The following SWT1 variants were observed in gnomAD, a reference collection of about 807,000 sequenced individuals.
The protein encoded by SWT1 is SWT1 RNA endoribonuclease homolog.
In SWT1, 33 loss-of-function variants were observed where a neutral mutation model predicts 107.3. That is an observed-to-expected ratio of 0.31 (90% confidence interval 0.23 to 0.41). The LOEUF is 0.41. Ranked by LOEUF, SWT1 falls within the 10% of genes least tolerant of loss-of-function variation. The pLI, the probability that SWT1 is intolerant of heterozygous loss-of-function variation, is 1.00. For synonymous variants in SWT1, 345 were observed against 348.3 expected (o/e 0.99, Z 0.11); for missense variants, 898 against 1,028.9 (o/e 0.87, Z 1.74).
chr1:185,191,266 C>T (rs1467734480), intron 10 of SWT1, among the ~76,000 whole-genome samples: 1 of 152,130 alleles, frequency 6.6e-6, no homozygotes, highest in African/African-American at 2.4e-5. Context: ...CTTCTTCCCT[C>T]CCTACTAATA....
In SWT1 at chr1:185,245,128, C is replaced by T. The variant is rs533074842; in HGVS notation, c.2441+13420C>T. On this transcript the variant is annotated intron_variant, in intron 16 of 18. Transcript: ENST00000367500. ...AAAAATAAAATAAAAAAGGACCACCCCTTTCAGATCTATGCTTTCTAGAAA... is the reference window on the plus strand; with the variant it reads ...AAAAATAAAATAAAAAAGGACCACCTCTTTCAGATCTATGCTTTCTAGAAA... Among the ~76,000 whole-genome samples the T allele has an allele frequency of 2.6e-5, 4 of 152,180 alleles. No homozygotes were observed. The East Asian group carries it at 7.7e-4, about 29-fold the overall frequency.
intron 5 of SWT1, among the ~76,000 whole-genome samples, chr1:185,179,378 G>A (rs956450506): frequency 2.6e-5 from 4 of 152,168 alleles, no homozygotes; most frequent in Non-Finnish European, 4.4e-5. Context: ...TAATTCATTC[G>A]TTCTTTTGCT....
At chr1:185,181,732 C>T (rs1656033944) in intron 6 of SWT1, among the ~76,000 whole-genome samples, 1 of 152,200 alleles carries the variant, frequency 6.6e-6, no homozygotes, top group Non-Finnish European at 1.5e-5. Context: ...AAATAATTTG[C>T]TTGCATAGGT....
At chr1:185,269,373 G>GTTTTTTTTTTTTTT (rs59417358) in intron 16 of SWT1, among the ~76,000 whole-genome samples, 1 of 125,350 alleles carries the variant, frequency 8.0e-6, no homozygotes, top group Admixed American at 8.0e-5. Flanking sequence ...AGAGGTTTTT[G>GTTTTTTTTTTTTTT]TTTTTTTTTT....
At chr1:185,247,093 C>T (rs1280478733) in intron 16 of SWT1, among the ~76,000 whole-genome samples, 1 of 152,112 alleles carries the variant, frequency 6.6e-6, no homozygotes, top group Non-Finnish European at 1.5e-5. Flanking sequence ...GTTGGAATCC[C>T]TTAAACTGTT....
chr1:185,269,167 A>G (rs963416013), intron 16 of SWT1, among the ~76,000 whole-genome samples: 3 of 151,840 alleles, frequency 2.0e-5, no homozygotes, highest in African/African-American at 7.3e-5. Flanking sequence ...GTTTGTTTTC[A>G]CTTGGTTACC....
chr1:185,229,227 GGCA>G (rs1371568019), intron 15 of SWT1, among the ~76,000 whole-genome samples: 1 of 152,076 alleles, frequency 6.6e-6, no homozygotes, highest in Non-Finnish European at 1.5e-5. Context: ...TTTGGGTCAG[GGCA>G]GTTGTGGGAG....
chr1:185,275,914 T>C (rs1664209323), intron 17 of SWT1, among the ~76,000 whole-genome samples: 1 of 152,144 alleles, frequency 6.6e-6, no homozygotes, highest in Non-Finnish European at 1.5e-5. Flanking sequence ...CACTTAGAAA[T>C]GTTTTTTAAG....
intron 13 of SWT1, among the ~76,000 whole-genome samples, chr1:185,212,657 G>C (rs889871335): frequency 6.6e-6 from 1 of 151,996 alleles, no homozygotes; most frequent in South Asian, 2.1e-4. Flanking sequence ...AAAAAAAATA[G>C]CTGGGCGTGG....
At chr1:185,243,216 C>A (rs148495370) in intron 16 of SWT1, among the ~76,000 whole-genome samples, 1 of 152,018 alleles carries the variant, frequency 6.6e-6, no homozygotes, top group East Asian at 1.9e-4. Flanking sequence ...TCAGGTGATC[C>A]TCTCACCTCA....
At chr1:185,163,953 A>C (rs1032640508) in intron 2 of SWT1, among the ~76,000 whole-genome samples, 1 of 152,210 alleles carries the variant, frequency 6.6e-6, no homozygotes, top group Non-Finnish European at 1.5e-5. Context: ...GCCTGGATCC[A>C]TCAGAGGAAT....
intron 10 of SWT1, among the ~76,000 whole-genome samples, chr1:185,191,836 T>A (rs1656974854): frequency 6.6e-6 from 1 of 152,194 alleles, no homozygotes; most frequent in African/African-American, 2.4e-5. Context: ...TATTTGTACA[T>A]TCACTGCTTT....
chr1:185,262,612 G>C lies in SWT1; in HGVS notation c.2442-8711G>C, dbSNP rs1663097403. On this transcript the variant is annotated intron_variant, in intron 16 of 18. Transcript: ENST00000367500. ...CACAGACTGAGTGGCTTAAACAACA[G>C]ATGTTTTATTTTCTTATAGTTCTAG... 2.0e-5 allele frequency: 3 copies of C among 152,072 alleles called. No individual in the cohort carries two copies. The South Asian group carries it at 6.2e-4, about 32-fold the overall frequency. The allele number at this position is 152,072 out of a possible 1,614,324, so 9.4% of individuals were successfully genotyped here. A position where few individuals can be genotyped will look rare whatever the true frequency, so the allele number is the denominator to read the frequency against.
At chr1:185,216,545 A>C (rs573285709) in intron 14 of SWT1, among the ~76,000 whole-genome samples, 47 of 152,328 alleles carry the variant, frequency 3.1e-4, no homozygotes, top group South Asian at 4.1e-4. Context: ...AATCCTCTTC[A>C]TCGATAAAAA....
chr1:185,207,059 A>G (rs1308924665), intron 13 of SWT1, among the ~76,000 whole-genome samples: 4 of 152,202 alleles, frequency 2.6e-5, no homozygotes, highest in African/African-American at 7.2e-5. Context: ...CTACTTTGAA[A>G]ACTTTTAAAA....
At chr1:185,262,536 C>G (rs1571653339) in intron 16 of SWT1, 1 of 152,258 alleles carries the variant, frequency 6.6e-6, no homozygotes, top group South Asian at 2.1e-4. Context: ...CCACCAGTAT[C>G]TGTGGATGGC....
In SWT1 at chr1:185,276,783, G is replaced by GT. The variant is rs143251562; in HGVS notation, c.2573+124dup. 1.5e-3 allele frequency: 674 copies of GT among 458,732 alleles called. 1 individual carries two copies. The highest frequency in any genetic ancestry group is 4.6e-3 in the African/African-American group (226 of 49,152). 28.4% of individuals were successfully genotyped at this position (458,732 alleles called of 1,614,324 possible). A position where few individuals can be genotyped will look rare whatever the true frequency, so the allele number is the denominator to read the frequency against. On this transcript the variant is annotated intron_variant, in intron 18 of 18. Transcript: ENST00000367500. ...TTTTTCATTGTCTTTTCACTACACT[G>GT]TTTTTTTTTACCTTACTAATATTAA...
rs548700603 is a variant in SWT1, at chr1:185,224,478, A to G, written c.2309+2442A>G. Among the ~76,000 whole-genome samples the G allele has an allele frequency of 2.6e-5, 4 of 151,722 alleles. No individual in the cohort carries two copies. The South Asian group carries it at 8.3e-4, about 31-fold the overall frequency. On this transcript the variant is annotated intron_variant, in intron 15 of 18. Transcript: ENST00000367500. The stretch of plus-strand genomic sequence containing the variant: ...ATTGCTTTGGCTATTCAAATTTGGC[A>G]TGTGAAATTTATGATTTTTTTTTGT...
At chr1:185,252,329 C>T (rs1286731915) in intron 16 of SWT1, among the ~76,000 whole-genome samples, 4 of 152,020 alleles carry the variant, frequency 2.6e-5, no homozygotes, top group African/African-American at 7.2e-5. Flanking sequence ...ATGGTATTTC[C>T]AGTTCTAGAT....
Sources: allele counts gnomAD v4.1 joint callset (sites outside exome capture counted in the v4.1 genomes callset), GRCh38; gene constraint gnomAD v4.1.1; transcripts MANE v1.5; gene names NCBI Gene and HGNC (gene_info 2026-07-23, HGNC 2026-07-21).